DPP6: variants seen among roughly 807,000 people sequenced by gnomAD.
DPP6 encodes the protein A-type potassium channel modulatory protein DPP6.
DPP6 carries 69 observed loss-of-function variants against 122.6 expected under a neutral mutation model. That is an observed-to-expected ratio of 0.56 (90% CI 0.46 to 0.69). DPP6 has a LOEUF of 0.69. DPP6 is among the 30% of genes least tolerant of loss of function. DPP6 has a pLI of 0.00. For synonymous variants in DPP6, 418 were observed against 433.1 expected, an observed-to-expected ratio of 0.97 and a Z score of 0.43; for missense variants, 928 against 1,116.9, an observed-to-expected ratio of 0.83 and a Z score of 2.41.
At chr7:154,114,588 T>A (rs1280329280) in intron 1 of DPP6, among the ~76,000 whole-genome samples, 1 of 152,196 alleles carries the variant, frequency 6.6e-6, no homozygotes, top group African/African-American at 2.4e-5. Context: ...AACTGCATTG[T>A]CTCATGCCTT....
rs2151375259 is a variant in DPP6, at chr7:154,483,741, C to A, written c.457+8704C>A. Among the ~76,000 whole-genome samples the A allele has an allele frequency of 6.6e-6, 1 of 152,358 alleles. No individual in the cohort carries two copies. The highest frequency in any genetic ancestry group is 1.9e-4 in the East Asian group (1 of 5,190). On this transcript the variant is annotated intron_variant, in intron 3 of 25. Transcript: ENST00000377770. This position sits in a 1 kb window ranked among gnomAD's most constrained non-coding sequence, Gnocchi z 8.1. ...ACGGAGTCTCGCTCTGTCGCCCAGG[C>A]TGGAGTGCAGTGGCACAATCTTGGC...
chr7:154,487,772 T>C (rs55646246), intron 3 of DPP6, among the ~76,000 whole-genome samples: 13,591 of 152,236 alleles, frequency 0.089, 1,816 homozygotes, highest in African/African-American at 0.29. Context: ...TTAACCATGG[T>C]AACCTGCTAG....
At position 153,912,707 on chromosome 7, in the gene DPP6, G is replaced by T. The variant is rs141801655; in HGVS notation, c.51+24973G>T. Among the ~76,000 whole-genome samples the T allele has an allele frequency of 9.2e-5, 14 of 152,204 alleles. No homozygotes were observed. In the East Asian group the frequency reaches 2.5e-3, roughly 27 times the overall value. ...GAAATTCAGTATTCTCTAAGGAGTTGCACTCTAATTTTTCTTAAGGGGGAG... is the reference window on the plus strand; with the variant it reads ...GAAATTCAGTATTCTCTAAGGAGTTTCACTCTAATTTTTCTTAAGGGGGAG... On this transcript the variant is annotated intron_variant, in intron 1 of 25. Transcript: ENST00000404039.
chr7:154,573,238 CAT>C (rs1224178473), intron 5 of DPP6, among the ~76,000 whole-genome samples: 4 of 152,156 alleles, frequency 2.6e-5, no homozygotes, highest in African/African-American at 7.2e-5. Flanking sequence ...TGCACATTCT[CAT>C]GTGTGGGGGC....
At chr7:154,013,458 C>CTT (rs776460630) in intron 1 of DPP6, among the ~76,000 whole-genome samples, 113 of 127,334 alleles carry the variant, frequency 8.9e-4, no homozygotes, top group East Asian at 2.0e-3. Context: ...GGTTTCTTTT[C>CTT]TTTTTTTTTT....
chr7:154,289,659 C>G (rs1290679928), intron 1 of DPP6, among the ~76,000 whole-genome samples: 2 of 152,224 alleles, frequency 1.3e-5, no homozygotes, highest in African/African-American at 4.8e-5. Flanking sequence ...CATAAATAAA[C>G]TGCGTGTGCC....
intron 1 of DPP6, among the ~76,000 whole-genome samples, chr7:154,104,551 C>T (rs148874035): frequency 0.012 from 1,752 of 152,326 alleles, 82 homozygotes; most frequent in Admixed American, 0.086. Context: ...AGTCTGCTAC[C>T]GTGTATTTAT....
the DPP6 span, among the ~76,000 whole-genome samples, chr7:153,832,794 T>C: frequency 6.6e-6 from 1 of 151,398 alleles, no homozygotes; most frequent in Non-Finnish European, 1.5e-5. Flanking sequence ...AGATAATATG[T>C]ACTTTCAAGC....
intron 1 of DPP6, among the ~76,000 whole-genome samples, chr7:154,081,847 G>C (rs993914538): frequency 2.6e-5 from 4 of 152,046 alleles, no homozygotes; most frequent in Admixed American, 1.3e-4. Flanking sequence ...TAGCAAATAA[G>C]GTTGTATGTT....
At chr7:154,097,880 T>C (rs1433723431) in intron 1 of DPP6, among the ~76,000 whole-genome samples, 1 of 152,162 alleles carries the variant, frequency 6.6e-6, no homozygotes, top group Non-Finnish European at 1.5e-5. Flanking sequence ...CCAGAACAAG[T>C]GACTGAGGGA....
chr7:154,704,894 G>A (rs978358708), intron 7 of DPP6, among the ~76,000 whole-genome samples: 3 of 152,162 alleles, frequency 2.0e-5, no homozygotes, highest in African/African-American at 7.2e-5. Flanking sequence ...TGGCATGCCT[G>A]TATATGGCTT....
chr7:154,731,402 A>C (rs1842334216), intron 8 of DPP6, among the ~76,000 whole-genome samples: 1 of 152,218 alleles, frequency 6.6e-6, no homozygotes, highest in South Asian at 2.1e-4. Context: ...AAAATATTGG[A>C]GACTGAGGAA....
At chr7:154,180,341 CAGATAGAT>C (rs1008364926) in intron 1 of DPP6, among the ~76,000 whole-genome samples, 2 of 147,690 alleles carry the variant, frequency 1.4e-5, no homozygotes, top group Non-Finnish European at 3.0e-5. Flanking sequence ...ACCCGGGAGA[CAGATAGAT>C]AGATAGATAG....
chr7:154,868,410 C>A (rs981963375), intron 18 of DPP6, among the ~76,000 whole-genome samples: 1 of 152,176 alleles, frequency 6.6e-6, no homozygotes, highest in Non-Finnish European at 1.5e-5. Context: ...AAAACCTCTT[C>A]CCTCTGGAAA....
the DPP6 span, among the ~76,000 whole-genome samples, chr7:153,771,337 AATTATT>A: frequency 4.6e-5 from 7 of 152,058 alleles, no homozygotes; most frequent in Non-Finnish European, 7.4e-5. Flanking sequence ...AGTGAAATGA[AATTATT>A]ATTATTATTT....
chr7:154,799,172 C>T (rs573819787), intron 12 of DPP6, among the ~76,000 whole-genome samples: 80 of 152,314 alleles, frequency 5.3e-4, no homozygotes, highest in African/African-American at 1.5e-3. Context: ...TGAGTTGTAG[C>T]GAGCCTGCTA....
intron 1 of DPP6, among the ~76,000 whole-genome samples, chr7:154,111,955 A>G (rs1806615976): frequency 6.6e-6 from 1 of 152,178 alleles, no homozygotes; most frequent in African/African-American, 2.4e-5. Context: ...TTAAATTTTG[A>G]TCAAAATTTT....
chr7:153,775,297 T>C, the DPP6 span, among the ~76,000 whole-genome samples: 1 of 145,560 alleles, frequency 6.9e-6, no homozygotes, highest in Non-Finnish European at 1.5e-5. Flanking sequence ...GAAAACTATA[T>C]GATTATTGCA....
At chr7:153,954,551 A>G (rs564767539) in intron 1 of DPP6, among the ~76,000 whole-genome samples, 3 of 152,156 alleles carry the variant, frequency 2.0e-5, no homozygotes, top group Admixed American at 2.0e-4. Context: ...TGGTGCCTTG[A>G]TGTGTGTTCA....
Sources: gnomAD v4.1 joint callset for allele counts (sites outside exome capture counted in the v4.1 genomes callset) on GRCh38, gnomAD v4.1.1 for gene constraint, Gnocchi (gnomAD v3.1) non-coding constraint, MANE v1.5 for transcripts, NCBI Gene and HGNC (gene_info 2026-07-23, HGNC 2026-07-21) for gene names.